The following GNA14 variants were observed in gnomAD, a reference collection of about 807,000 sequenced individuals.
The protein encoded by GNA14 is G protein subunit alpha 14, also known as guanine nucleotide-binding protein subunit alpha-14.
Under a neutral mutation model 42.0 loss-of-function variants are expected in GNA14, and 50 were observed. That is an observed-to-expected ratio of 1.19 (90% confidence interval 0.95 to 1.51). The LOEUF is 1.51. GNA14 is among the 40% of genes most tolerant of loss of function. The pLI is 0.00. For synonymous variants in GNA14, 173 were observed against 163.1 expected (o/e 1.06, Z -0.46); for missense variants, 473 against 446.2 (o/e 1.06, Z -0.54).
At chr9:77,639,209 C>A (rs28449183) in intron 1 of GNA14, among the ~76,000 whole-genome samples, 3,869 of 152,302 alleles carry the variant, frequency 0.025, 177 homozygotes, top group African/African-American at 0.088. Context: ...TAGGAGGCAG[C>A]AGCCCACCCC....
intron 2 of GNA14, among the ~76,000 whole-genome samples, chr9:77,443,480 C>T (rs763998633): frequency 2.0e-5 from 3 of 152,224 alleles, no homozygotes; most frequent in Non-Finnish European, 2.9e-5. Context: ...GCCACCTAGA[C>T]TTCAATCTCC....
chr9:77,609,378 ATGG>A (rs1381097569), intron 1 of GNA14, among the ~76,000 whole-genome samples: 1 of 152,194 alleles, frequency 6.6e-6, no homozygotes, highest in African/African-American at 2.4e-5. Flanking sequence ...CTCTACAAAG[ATGG>A]TGGTTTTCTC....
At chr9:77,583,785 C>T (rs1020894805) in intron 1 of GNA14, among the ~76,000 whole-genome samples, 3 of 152,142 alleles carry the variant, frequency 2.0e-5, no homozygotes, top group Non-Finnish European at 4.4e-5. Context: ...TGACTCAGTA[C>T]ATCTGGGGTG....
chr9:77,431,624 G>A, intron 3 of GNA14, 175 bp from the exon 4 acceptor site: 1 of 552,152 alleles, frequency 1.8e-6, no homozygotes, highest in Admixed American at 3.0e-5. Context: ...TCCTACGACT[G>A]TTTTGAAGAC....
intron 2 of GNA14, among the ~76,000 whole-genome samples, chr9:77,513,447 A>C (rs1354219464): frequency 6.6e-6 from 1 of 152,230 alleles, no homozygotes; most frequent in African/African-American, 2.4e-5. Context: ...AGATAAAATC[A>C]TATATTTCCA....
chr9:77,457,247 G>A (rs1836016566), intron 2 of GNA14, among the ~76,000 whole-genome samples: 2 of 152,234 alleles, frequency 1.3e-5, no homozygotes, highest in South Asian at 4.1e-4. Flanking sequence ...AAAAGAAAGA[G>A]ACTGAGTTAG....
intron 1 of GNA14, among the ~76,000 whole-genome samples, chr9:77,607,802 C>T (rs1823662775): frequency 1.3e-5 from 2 of 152,240 alleles, no homozygotes; most frequent in South Asian, 4.1e-4. Context: ...ACTGTGTCCT[C>T]ACATGGTGGA....
At chr9:77,588,698 A>C (rs183123247) in intron 1 of GNA14, among the ~76,000 whole-genome samples, 112 of 152,348 alleles carry the variant, frequency 7.4e-4, no homozygotes, top group Non-Finnish European at 1.3e-3. Context: ...AAAAGTTGCT[A>C]ATCCCCCTTC....
intron 2 of GNA14, among the ~76,000 whole-genome samples, chr9:77,509,987 G>A (rs7852777): frequency 0.4 from 60,361 of 151,928 alleles, 12,625 homozygotes; most frequent in East Asian, 0.79. Context: ...TTCACTTTTC[G>A]TATTTACAAT....
At chr9:77,487,471 A>C (rs1836680936) in intron 2 of GNA14, among the ~76,000 whole-genome samples, 1 of 149,178 alleles carries the variant, frequency 6.7e-6, no homozygotes, top group Non-Finnish European at 1.5e-5. Flanking sequence ...CTTATCTATA[A>C]AATAGGAATG....
chr9:77,646,504 T>C (rs1564075024), intron 1 of GNA14, among the ~76,000 whole-genome samples: 5 of 152,164 alleles, frequency 3.3e-5, no homozygotes, highest in Admixed American at 3.3e-4. Context: ...AAGGGGGTTC[T>C]TCCGCCCAGG....
At chr9:77,558,723 G>A (rs115422329) in intron 1 of GNA14, among the ~76,000 whole-genome samples, 1 of 152,220 alleles carries the variant, frequency 6.6e-6, no homozygotes, top group Non-Finnish European at 1.5e-5. Context: ...AGGCTAGGGT[G>A]GGGTAGAGAC....
At chr9:77,563,232 A>G (rs1480612901) in intron 1 of GNA14, among the ~76,000 whole-genome samples, 1 of 152,108 alleles carries the variant, frequency 6.6e-6, no homozygotes, top group Non-Finnish European at 1.5e-5. Context: ...AGGCAGATCC[A>G]TTTTTCTCTT....
intron 2 of GNA14, among the ~76,000 whole-genome samples, chr9:77,439,112 A>C (rs1835685881): frequency 6.6e-6 from 1 of 152,160 alleles, no homozygotes; most frequent in Non-Finnish European, 1.5e-5. Flanking sequence ...GTCCCTCTGA[A>C]TGAGAATGGC....
intron 1 of GNA14, among the ~76,000 whole-genome samples, chr9:77,631,834 C>T (rs772854259): frequency 1.8e-4 from 28 of 152,180 alleles, no homozygotes; most frequent in Non-Finnish European, 4.1e-4. Context: ...GCCATCATGC[C>T]GGCTGCAGCA....
At chr9:77,507,959 C>G (rs1837097606) in intron 2 of GNA14, among the ~76,000 whole-genome samples, 1 of 152,166 alleles carries the variant, frequency 6.6e-6, no homozygotes, top group African/African-American at 2.4e-5. Context: ...CTCAGGTGAT[C>G]CACCCGCCTC....
intron 1 of GNA14, among the ~76,000 whole-genome samples, chr9:77,550,736 G>T (rs1587827113): frequency 6.6e-6 from 1 of 152,166 alleles, no homozygotes; most frequent in Non-Finnish European, 1.5e-5. Flanking sequence ...AGTTCAAAGA[G>T]AATCAAATGG....
chr9:77,616,664 T>C (rs889105729), intron 1 of GNA14, among the ~76,000 whole-genome samples: 8 of 152,192 alleles, frequency 5.3e-5, no homozygotes, highest in African/African-American at 1.9e-4. Context: ...CTCTTAGCAG[T>C]AAAGTTTTTA....
intron 2 of GNA14, among the ~76,000 whole-genome samples, chr9:77,511,356 T>C (rs182357106): frequency 9.2e-5 from 14 of 152,260 alleles, no homozygotes; most frequent in African/African-American, 9.6e-5. Context: ...TAAACCTGCA[T>C]AGAAAACAGA....
Sources: gnomAD v4.1 joint callset for allele counts (sites outside exome capture counted in the v4.1 genomes callset) on GRCh38, gnomAD v4.1.1 for gene constraint, MANE v1.5 for transcripts, NCBI Gene and HGNC (gene_info 2026-07-23, HGNC 2026-07-21) for gene names.